The following LAMC1 variants were observed in gnomAD, a reference collection of about 807,000 sequenced individuals.
LAMC1 encodes laminin subunit gamma 1, also known as laminin subunit gamma-1.
Under a neutral mutation model 173.6 loss-of-function variants are expected in LAMC1, and 38 were observed. That is an observed-to-expected ratio of 0.22 (90% CI 0.17 to 0.29). The LOEUF (loss-of-function observed/expected upper bound fraction) is 0.29. LAMC1 is among the 10% of genes least tolerant of loss of function. The pLI is 1.00. For missense variants in LAMC1, 1,824 were observed against 2,051.8 expected (o/e 0.89, Z 2.14); for synonymous variants, 746 against 749.1 (o/e 1.00, Z 0.07).
intron 1 of LAMC1, among the ~76,000 whole-genome samples, chr1:183,097,046 G>A (rs1042369785): frequency 6.6e-6 from 1 of 152,130 alleles, no homozygotes. Flanking sequence ...TATTAAGTTG[G>A]CCTTGGGTCG....
Position 183,023,674 on chromosome 1 carries a change from C to G in LAMC1, c.-43C>G. The G allele has an allele frequency of 1.7e-6, 2 of 1,154,686 alleles. No homozygotes were observed. Among genetic ancestry groups the G allele is most frequent in the Non-Finnish European group, 2.1e-6 (2 of 936,940 alleles). The allele number at this position is 1,154,686 out of a possible 1,614,324, so 71.5% of individuals were successfully genotyped here. ...ACGCCGCTAGGCGAGAGGAACGCGC[C>G]GGTGCCCTTGCCTTCGCCGTGACCC... On this transcript the variant is annotated 5_prime_UTR_variant, in exon 1 of 28. Transcript: ENST00000258341.
chr1:183,142,733 C>T lies in LAMC1; in HGVS notation c.4773C>T (p.Asp1591=). 6.2e-7 allele frequency: 1 copy of T among 1,613,988 alleles called. No individual in the cohort carries two copies. Among genetic ancestry groups the T allele is most frequent in the Non-Finnish European group, 8.5e-7 (1 of 1,179,906 alleles). Residue 1591 remains aspartate (D), a synonymous_variant, in exon 28 of 28, where the codon GAC becomes GAT. Coordinates refer to ENST00000258341, the MANE Select transcript of LAMC1 (RefSeq NM_002293.4). ...TGAAGGACATTCGCAATCTGGAGGA[C>T]ATCAGGAAGACCTTACCATCTGGCT... ...EIMKDIRNLE[D]IRKTLPSGCF...
chr1:183,060,630 C>T (rs1487718447), intron 1 of LAMC1, among the ~76,000 whole-genome samples: 1 of 152,174 alleles, frequency 6.6e-6, no homozygotes, highest in Non-Finnish European at 1.5e-5. Context: ...ATGTCTGACT[C>T]ATAATTATCA....
chr1:183,117,794 C>T, intron 10 of LAMC1, 71 bp downstream of exon 10: 3 of 1,352,596 alleles, frequency 2.2e-6, no homozygotes, highest in Non-Finnish European at 2.1e-6. Flanking sequence ...TTAAGTTTAA[C>T]TGGCCTCTAG....
At chr1:183,113,738 T>C (rs1055861259) in intron 4 of LAMC1, among the ~76,000 whole-genome samples, 13 of 152,186 alleles carry the variant, frequency 8.5e-5, no homozygotes, top group South Asian at 8.3e-4. Context: ...AGTCTAGATA[T>C]ATAAATAATC....
chr1:183,122,203 C>T lies in LAMC1; in HGVS notation c.2353C>T (p.Pro785Ser). The T allele has an allele frequency of 1.2e-6, 2 of 1,614,118 alleles. No homozygotes were observed. Among genetic ancestry groups the T allele is most frequent in the South Asian group, 1.1e-5 (1 of 91,080 alleles). The change falls in exon 13 of 28, where the codon CCC (proline) becomes TCC (serine). Residue 785 changes from proline (P) to serine (S), a missense_variant. Transcript: ENST00000258341. ...TGGAGGTTCAAGTTGTGCTGTTGTT[C>T]CCAAGACAAAGGAGGTGGTGTGCAC... Reference protein sequence around the residue: ...CPGGSSCAVVPKTKEVVCTNC... With the variant: ...CPGGSSCAVVSKTKEVVCTNC...
chr1:183,053,993 T>A (rs1170970514), intron 1 of LAMC1, among the ~76,000 whole-genome samples: 2 of 152,208 alleles, frequency 1.3e-5, no homozygotes, highest in African/African-American at 4.8e-5. Context: ...GCTCAAATGT[T>A]GCTTTTTATT....
chr1:183,081,012 C>T (rs1655258807), intron 1 of LAMC1, among the ~76,000 whole-genome samples: 1 of 152,084 alleles, frequency 6.6e-6, no homozygotes, highest in Non-Finnish European at 1.5e-5. Context: ...CCTCAGCCTC[C>T]CAAGTAGCTG....
chr1:183,070,461 A>G (rs1335062999), intron 1 of LAMC1, among the ~76,000 whole-genome samples: 1 of 152,094 alleles, frequency 6.6e-6, no homozygotes, highest in Non-Finnish European at 1.5e-5. Context: ...TTCCTGGGAT[A>G]CTTCCAGTTT....
At chr1:183,105,235 AAAAAAAAAAAAG>A (rs1184716138) in intron 2 of LAMC1, among the ~76,000 whole-genome samples, 1 of 147,316 alleles carries the variant, frequency 6.8e-6, no homozygotes. Flanking sequence ...AAAAAAAAAA[AAAAAAAAAAAAG>A]AAAGAAAGAA....
In LAMC1 at chr1:183,023,947, TG is replaced by T; in HGVS notation, c.232del (p.Val78CysfsTer5). On this transcript the variant is annotated frameshift_variant, in exon 1 of 28. Coordinates refer to ENST00000258341, the MANE Select transcript of LAMC1 (RefSeq NM_002293.4). LOFTEE classifies it high-confidence loss of function. The part of the protein sequence containing the change: ...TCGTPPEEYC[V>X]QTGVTGVTKS... ...GTGGGACTCCGCCCGAGGAATACTG[TG>T]TGCAGACCGGGGTGACCGGGGTCAC... 1 of 1,613,320 alleles carries T rather than the reference TG, an allele frequency of 6.2e-7. No homozygotes were observed.
intron 1 of LAMC1, among the ~76,000 whole-genome samples, chr1:183,097,528 A>C (rs1655723807): frequency 6.6e-6 from 1 of 152,228 alleles, no homozygotes; most frequent in Non-Finnish European, 1.5e-5. Flanking sequence ...AGGTTGTTTC[A>C]CAAGATCCTT....
intron 1 of LAMC1, among the ~76,000 whole-genome samples, chr1:183,027,056 G>A (rs1653706174): frequency 6.6e-6 from 1 of 152,102 alleles, no homozygotes; most frequent in African/African-American, 2.4e-5. Flanking sequence ...GGAGGCTGAG[G>A]CGTATTTTAA....
Position 183,128,577 on chromosome 1 carries a change from T to G in LAMC1, c.3124-17T>G. ...TGTGTGTCCTACCTTTCCCTTTTCT[T>G]TCTTCTTTATGTTTAGGTTGCTGAT... On this transcript the variant is annotated splice_polypyrimidine_tract_variant and intron_variant, in intron 17 of 27. Coordinates refer to ENST00000258341, the MANE Select transcript of LAMC1 (RefSeq NM_002293.4). 6.3e-7 allele frequency: 1 copy of G among 1,598,200 alleles called. No individual in the cohort carries two copies. Among genetic ancestry groups the G allele is most frequent in the Non-Finnish European group, 8.5e-7 (1 of 1,170,266 alleles).
In LAMC1 at chr1:183,125,404, T is replaced by C. The variant is rs763535826; in HGVS notation, c.2655T>C (p.Asn885=). ...TCTGTCTTCCTGCCTTAGCCTGCAA[T>C]TGCAATCTGTATGGGACCATGAAGC... is the stretch of plus-strand genomic sequence containing the variant. ...PNPADKCKAC[N]CNLYGTMKQQ... Residue 885 remains asparagine (N), a synonymous_variant, in exon 15 of 28, where the codon AAT becomes AAC. Coordinates refer to ENST00000258341, the MANE Select transcript of LAMC1 (RefSeq NM_002293.4). 2 of 1,614,128 alleles carry C rather than the reference T, an allele frequency of 1.2e-6. No individual in the cohort carries two copies. Among genetic ancestry groups the C allele is most frequent in the African/African-American group, 1.3e-5 (1 of 75,042 alleles).
At position 183,143,064 on chromosome 1, in the gene LAMC1, T is replaced by C; in HGVS notation, c.*274T>C. On this transcript the variant is annotated 3_prime_UTR_variant, in exon 28 of 28. Coordinates refer to ENST00000258341, the MANE Select transcript of LAMC1 (RefSeq NM_002293.4). The stretch of plus-strand genomic sequence containing the variant: ...TTCTGATTTGCGTGAGGACGTGGCA[T>C]CCTACGTTACTGTACAGTGGCATAA... 1 of 382,680 alleles carries C rather than the reference T, an allele frequency of 2.6e-6. No homozygotes were observed. 23.7% of individuals were successfully genotyped at this position (382,680 alleles called of 1,614,324 possible). A position where few individuals can be genotyped will look rare whatever the true frequency, so the allele number is the denominator to read the frequency against.
At chr1:183,114,456 G>T (rs988232978) in intron 4 of LAMC1, 75 bp from the exon 5 acceptor site, 95 of 1,411,808 alleles carry the variant, frequency 6.7e-5, no homozygotes, top group South Asian at 1.6e-4. Context: ...GGGAAATTAT[G>T]TTTGGTTTTA....
chr1:183,093,508 G>A (rs778538461), intron 1 of LAMC1, among the ~76,000 whole-genome samples: 1 of 152,010 alleles, frequency 6.6e-6, no homozygotes, highest in Non-Finnish European at 1.5e-5. Context: ...GGTATGTCCC[G>A]AGACCCAGTC....
chr1:183,103,624 G>A lies in LAMC1; in HGVS notation c.715G>A (p.Val239Met). 5.2e-6 allele frequency: 8 copies of A among 1,539,186 alleles called. No individual in the cohort carries two copies. The highest frequency in any genetic ancestry group is 7.0e-6 in the Non-Finnish European group (8 of 1,144,802). Residue 239 changes from valine to methionine, a missense_variant, in exon 2 of 28, where the codon GTG becomes ATG. By Grantham distance (21) the Val-to-Met change is conservative. Transcript: ENST00000258341. ...CGCCTATAACTTTGACAATAGCCCT[G>A]TGCTGCAGGTAAATTCTCACAGGTT... ...PSAYNFDNSP[V>M]LQEWVTATDI...
Sources: gnomAD v4.1 joint callset for allele counts (sites outside exome capture counted in the v4.1 genomes callset) on GRCh38, gnomAD v4.1.1 for gene constraint, MANE v1.5 for transcripts, NCBI Gene and HGNC (gene_info 2026-07-23, HGNC 2026-07-21) for gene names.